Variants in SRFBP1 observed in about 807,000 individuals in gnomAD.
SRFBP1 encodes the protein serum response factor-binding protein 1.
A neutral mutation model predicts 45.5 loss-of-function variants in SRFBP1; 47 were observed. That is an observed-to-expected ratio of 1.03 (90% confidence interval 0.82 to 1.32). SRFBP1 has a LOEUF of 1.32. Ranked by LOEUF, SRFBP1 falls within the 40% of genes most tolerant of loss-of-function variation. The pLI, the probability that SRFBP1 is intolerant of heterozygous loss-of-function variation, is 0.00. For synonymous variants in SRFBP1, 203 were observed against 166.3 expected, an observed-to-expected ratio of 1.22 and a Z score of -1.70; for missense variants, 621 against 484.6, an observed-to-expected ratio of 1.28 and a Z score of -2.64.
Position 122,019,311 on chromosome 5 carries a change from C to G in SRFBP1, c.322C>G (p.Leu108Val), listed in dbSNP as rs1308008446. Residue 108 changes from leucine (L) to valine (V), a missense_variant, in exon 5 of 8, where the codon CTT becomes GTT. Coordinates refer to ENST00000339397, the MANE Select transcript of SRFBP1 (RefSeq NM_152546.3). ...RAIARLAVHP[L>V]LKKKIDVLKA... Reference sequence around the variant, plus strand: ...AATTGCCAGACTAGCAGTACATCCTCTTCTGAAGAAAAAGATAGATGTGCT... The same window carrying G: ...AATTGCCAGACTAGCAGTACATCCTGTTCTGAAGAAAAAGATAGATGTGCT... 6.2e-7 allele frequency: 1 copy of G among 1,612,360 alleles called. No homozygotes were observed. Among genetic ancestry groups the G allele is most frequent in the Admixed American group, 1.7e-5 (1 of 59,872 alleles).
intron 4 of SRFBP1, among the ~76,000 whole-genome samples, chr5:122,011,266 C>T (rs935668726): frequency 1.3e-5 from 2 of 152,006 alleles, no homozygotes; most frequent in African/African-American, 4.8e-5. Context: ...TACCCATATA[C>T]CCAAATAAAA....
chr5:122,018,050 C>T (rs1027127407), intron 4 of SRFBP1, among the ~76,000 whole-genome samples: 1 of 152,182 alleles, frequency 6.6e-6, no homozygotes. Flanking sequence ...AAGTGTTGTG[C>T]TAGTTGAGAT....
chr5:121,981,386 C>A (rs898908289), intron 3 of SRFBP1, among the ~76,000 whole-genome samples: 12 of 152,032 alleles, frequency 7.9e-5, no homozygotes, highest in South Asian at 6.2e-4. Flanking sequence ...TCATAATAGA[C>A]TTCCTGCCTC....
intron 2 of SRFBP1, among the ~76,000 whole-genome samples, chr5:122,039,832 A>G (rs1403082220): frequency 6.6e-6 from 1 of 151,812 alleles, no homozygotes; most frequent in African/African-American, 2.4e-5. Context: ...TATGGTTGGG[A>G]TCTAACTATT....
At chr5:122,011,443 G>C (rs1753093828) in intron 4 of SRFBP1, among the ~76,000 whole-genome samples, 1 of 152,022 alleles carries the variant, frequency 6.6e-6, no homozygotes, top group Non-Finnish European at 1.5e-5. Flanking sequence ...TCCCGATATT[G>C]GGAAGACTTT....
At chr5:122,030,818 T>A (rs892683971), downstream of SRFBP1, among the ~76,000 whole-genome samples, 13 of 152,182 alleles carry the variant, frequency 8.5e-5, no homozygotes, top group African/African-American at 3.1e-4. Context: ...ATCAGAGATT[T>A]CAACGACCAT....
intron 1 of SRFBP1, 57 bp from the exon 2 acceptor site, chr5:121,974,139 G>C: frequency 8.4e-7 from 1 of 1,195,388 alleles, no homozygotes; most frequent in South Asian, 1.3e-5. Flanking sequence ...TCAAAATAAA[G>C]TGTGTTTGTT....
In SRFBP1 at chr5:122,054,130, C is replaced by A. The variant is rs1580547010; in HGVS notation, n.312-21185C>A. The stretch of plus-strand genomic sequence containing the variant: ...CTATTAAGCTGATACTGATCTGCTC[C>A]AGGGCCCAAAGCTTGTAGAGGTCCC... On this transcript the variant is annotated intron_variant and non_coding_transcript_variant, in intron 2 of 2. Coordinates refer to the SRFBP1 transcript ENST00000504881. Among the ~76,000 whole-genome samples, 4 of 152,302 alleles carry A rather than the reference C, an allele frequency of 2.6e-5. 1 individual carries two copies. The South Asian group carries it at 8.3e-4, about 32-fold the overall frequency.
rs1753300401 is a variant in SRFBP1, at chr5:122,020,782, T to G, written c.1047T>G (p.Ser349=). 1 of 1,573,800 alleles carries G rather than the reference T, an allele frequency of 6.4e-7. No homozygotes were observed. Among genetic ancestry groups the G allele is most frequent in the Admixed American group, 2.0e-5 (1 of 49,804 alleles). The change falls in exon 6 of 8, where the codon TCT becomes TCG. Residue 349 remains serine, a synonymous_variant. Coordinates refer to ENST00000339397, the MANE Select transcript of SRFBP1 (RefSeq NM_152546.3). The stretch of plus-strand genomic sequence containing the variant: ...AATCAGTGTTTTTCCACTCTTTATC[T>G]GGATCTAAAAGCTCTAGAAGGTAAG... ...KLESVFFHSL[S]GSKSSRRNFK...
At chr5:122,008,058 G>C (rs971344157) in intron 4 of SRFBP1, among the ~76,000 whole-genome samples, 1 of 152,148 alleles carries the variant, frequency 6.6e-6, no homozygotes. Flanking sequence ...AGACAGGCTT[G>C]GAGGCTTAGT....
intron 4 of SRFBP1, among the ~76,000 whole-genome samples, chr5:122,018,801 A>G (rs944496080): frequency 1.3e-5 from 2 of 152,220 alleles, no homozygotes; most frequent in Non-Finnish European, 2.9e-5. Flanking sequence ...AAATAGAAAT[A>G]TAGAGCGTTA....
chr5:122,010,390 G>A (rs1753067488), intron 4 of SRFBP1, among the ~76,000 whole-genome samples: 1 of 152,100 alleles, frequency 6.6e-6, no homozygotes, highest in African/African-American at 2.4e-5. Flanking sequence ...TCCACTGCTG[G>A]AAATAGGAAC....
At position 121,966,790 on chromosome 5, in the gene SRFBP1, T is replaced by A. The variant is rs371901861; in HGVS notation, c.36+4722T>A. Among the ~76,000 whole-genome samples, 131 of 151,420 alleles carry A rather than the reference T, an allele frequency of 8.7e-4. 4 individuals carry two copies. The South Asian group carries it at 0.023, about 27-fold the overall frequency. Reference sequence around the variant, plus strand: ...TTTTTTTATTTTTTATTTTTTATTTTTTTTTTTGAGACGGAGTCTCGCTCT... The same window carrying A: ...TTTTTTTATTTTTTATTTTTTATTTATTTTTTTGAGACGGAGTCTCGCTCT... On this transcript the variant is annotated intron_variant, in intron 1 of 7. Coordinates refer to ENST00000339397, the MANE Select transcript of SRFBP1 (RefSeq NM_152546.3).
chr5:121,994,814 C>CA (rs1026146533), intron 4 of SRFBP1, 144 bp downstream of exon 4: 25 of 538,412 alleles, frequency 4.6e-5, no homozygotes, highest in East Asian at 6.6e-5. Flanking sequence ...ACTGCCACCA[C>CA]AAAAAAAATT....
intron 2 of SRFBP1, among the ~76,000 whole-genome samples, chr5:122,048,647 A>G (rs966548152): frequency 1.3e-5 from 2 of 152,208 alleles, no homozygotes; most frequent in African/African-American, 4.8e-5. Context: ...TACCTCTGGT[A>G]GAATTCAGCT....
intron 3 of SRFBP1, among the ~76,000 whole-genome samples, chr5:121,993,171 T>G (rs1752651875): frequency 6.6e-6 from 1 of 152,164 alleles, no homozygotes; most frequent in Non-Finnish European, 1.5e-5. Context: ...TTTGTTGATT[T>G]TGAACCTTCA....
At chr5:122,015,491 A>G (rs1451138012) in intron 4 of SRFBP1, among the ~76,000 whole-genome samples, 1 of 152,204 alleles carries the variant, frequency 6.6e-6, no homozygotes, top group African/African-American at 2.4e-5. Flanking sequence ...CTTTTTCTGT[A>G]AAGGACCTGA....
intron 2 of SRFBP1, chr5:122,070,037 A>G (rs1441387208): frequency 6.4e-7 from 1 of 1,557,392 alleles, no homozygotes; most frequent in Non-Finnish European, 8.9e-7. Context: ...TACTTAGCTA[A>G]GCAAATAACA....
At chr5:122,077,054 C>G, downstream of SRFBP1, 2 of 1,600,924 alleles carry the variant, frequency 1.2e-6, no homozygotes, top group Middle Eastern at 1.7e-4. This position sits in a 1 kb window ranked among gnomAD's most constrained non-coding sequence, Gnocchi z 4.9. Flanking sequence ...GCGCCCCCCG[C>G]TCCAACTCCC....
Sources: allele counts gnomAD v4.1 joint callset (sites outside exome capture counted in the v4.1 genomes callset), GRCh38; gene constraint gnomAD v4.1.1; non-coding constraint Gnocchi (gnomAD v3.1); transcripts MANE v1.5; gene names NCBI Gene and HGNC (gene_info 2026-07-23, HGNC 2026-07-21).